The following XKR9 variants were observed in gnomAD, a reference collection of about 807,000 sequenced individuals.
XKR9 encodes the protein XK related 9.
Under a neutral mutation model 32.0 loss-of-function variants are expected in XKR9, and 32 were observed. The ratio of observed to expected loss-of-function variants is 1.00; its 90% CI spans 0.76 to 1.34. The LOEUF (loss-of-function observed/expected upper bound fraction) is 1.34, where lower values mean the gene tolerates loss of function less well. Among genes scored for constraint, XKR9 ranks in the 40% most tolerant of loss-of-function variants. XKR9 has a pLI of 0.00. For missense variants in XKR9, 546 were observed against 429.7 expected, an observed-to-expected ratio of 1.27 and a Z score of -2.39; for synonymous variants, 168 against 143.4, an observed-to-expected ratio of 1.17 and a Z score of -1.22.
chr8:70,743,003 G>T (rs1010315559), intron 2 of XKR9, among the ~76,000 whole-genome samples: 8 of 151,720 alleles, frequency 5.3e-5, no homozygotes, highest in Non-Finnish European at 8.8e-5. Context: ...TTATTCTCAT[G>T]GTTTTTCTTC....
At chr8:70,949,008 G>C in the XKR9 span, among the ~76,000 whole-genome samples, 1 of 152,142 alleles carries the variant, frequency 6.6e-6, no homozygotes, top group Non-Finnish European at 1.5e-5. Flanking sequence ...ATTAAGAAAA[G>C]TGATATGGAA....
chr8:70,876,708 C>A, the XKR9 span, among the ~76,000 whole-genome samples: 1 of 151,902 alleles, frequency 6.6e-6, no homozygotes, highest in African/African-American at 2.4e-5. Context: ...TTAGTAAAAA[C>A]CAAAAGAGTA....
chr8:70,788,323 TG>T (rs1353269318), intron 2 of XKR9, among the ~76,000 whole-genome samples: 3 of 152,152 alleles, frequency 2.0e-5, no homozygotes, highest in Non-Finnish European at 4.4e-5. Flanking sequence ...AATTGTCAGT[TG>T]TTGCAACTTT....
the XKR9 span, among the ~76,000 whole-genome samples, chr8:70,943,482 G>GT: frequency 3.6e-4 from 54 of 151,862 alleles, no homozygotes; most frequent in South Asian, 8.3e-4. Context: ...TTTTTTGAAG[G>GT]TTTTTTTTAA....
chr8:71,021,828 A>G, the XKR9 span, among the ~76,000 whole-genome samples: 1 of 152,094 alleles, frequency 6.6e-6, no homozygotes, highest in African/African-American at 2.4e-5. Context: ...GCTGTACAGA[A>G]GCTCTTCAGT....
At chr8:70,825,764 A>G in the XKR9 span, among the ~76,000 whole-genome samples, 1 of 152,058 alleles carries the variant, frequency 6.6e-6, no homozygotes, top group African/African-American at 2.4e-5. Context: ...TCTATTAGAC[A>G]CCTGGATACT....
the XKR9 span, among the ~76,000 whole-genome samples, chr8:70,982,000 A>G: frequency 2.0e-5 from 3 of 152,204 alleles, no homozygotes; most frequent in African/African-American, 7.2e-5. Flanking sequence ...ATCTATGTTC[A>G]TGTCTTGCAG....
chr8:70,824,033 G>T, the XKR9 span, among the ~76,000 whole-genome samples: 6 of 152,134 alleles, frequency 3.9e-5, no homozygotes, highest in African/African-American at 1.4e-4. Flanking sequence ...GCAATTTGTA[G>T]TCTTTTGAGA....
chr8:70,896,698 T>C, the XKR9 span, among the ~76,000 whole-genome samples: 1 of 151,932 alleles, frequency 6.6e-6, no homozygotes, highest in Non-Finnish European at 1.5e-5. Flanking sequence ...TTTCCTTCTT[T>C]CTGCTTGGTT....
the XKR9 span, among the ~76,000 whole-genome samples, chr8:70,808,386 T>C: frequency 3.9e-5 from 6 of 152,010 alleles, no homozygotes; most frequent in African/African-American, 1.4e-4. Context: ...AGAAGATGTA[T>C]GATTTCTGCA....
chr8:70,896,556 T>A, the XKR9 span, among the ~76,000 whole-genome samples: 2 of 152,060 alleles, frequency 1.3e-5, no homozygotes, highest in Admixed American at 1.3e-4. Flanking sequence ...TTCTGTTTTT[T>A]TTTTTCTTGG....
chr8:71,022,473 T>C, the XKR9 span, among the ~76,000 whole-genome samples: 1 of 152,226 alleles, frequency 6.6e-6, no homozygotes, highest in Admixed American at 6.5e-5. Context: ...ATAAGGTTTC[T>C]GCTGAGAAAT....
Position 70,735,096 on chromosome 8 carries a change from T to C in XKR9, c.*672T>C, listed in dbSNP as rs983245757. 1.3e-5 allele frequency: 2 copies of C among 152,250 alleles called. No individual in the cohort carries two copies. The highest frequency in any genetic ancestry group is 1.3e-4 in the Admixed American group (2 of 15,280). The allele number at this position is 152,250 out of a possible 1,614,324, so 9.4% of individuals were successfully genotyped here. A position where few individuals can be genotyped will look rare whatever the true frequency, so the allele number is the denominator to read the frequency against. ...AAATCATATTTTAAAATTATTTTTA[T>C]TTTTAAAAAATTATGGTAAAAACAT... On this transcript the variant is annotated 3_prime_UTR_variant, in exon 5 of 5. Coordinates refer to ENST00000408926, the MANE Select transcript of XKR9 (RefSeq NM_001011720.2).
At chr8:70,948,231 T>A in the XKR9 span, among the ~76,000 whole-genome samples, 4 of 152,186 alleles carry the variant, frequency 2.6e-5, no homozygotes, top group Admixed American at 6.5e-5. Flanking sequence ...TTCGTGCCAG[T>A]GAATTCTGAG....
At chr8:71,059,502 C>T in the XKR9 span, among the ~76,000 whole-genome samples, 1 of 152,192 alleles carries the variant, frequency 6.6e-6, no homozygotes, top group Non-Finnish European at 1.5e-5. Context: ...AGTTTGTGCA[C>T]TTAGGAACTG....
At chr8:70,754,853 G>A (rs1263167729) in intron 2 of XKR9, among the ~76,000 whole-genome samples, 14 of 152,014 alleles carry the variant, frequency 9.2e-5, no homozygotes, top group Admixed American at 4.6e-4. Context: ...ACAGGCATGG[G>A]CAAGGACTTC....
At chr8:70,767,242 G>T (rs985739118) in intron 2 of XKR9, among the ~76,000 whole-genome samples, 2 of 152,056 alleles carry the variant, frequency 1.3e-5, no homozygotes, top group South Asian at 4.2e-4. Flanking sequence ...GATTTTTTTG[G>T]TTGGTAGGCT....
In XKR9 at chr8:70,681,337, A is replaced by G. The variant is rs771411108; in HGVS notation, c.272+7A>G. 7.5e-6 allele frequency: 12 copies of G among 1,607,022 alleles called. No homozygotes were observed. The highest frequency in any genetic ancestry group is 1.0e-5 in the Non-Finnish European group (12 of 1,176,970). On this transcript the variant is annotated splice_region_variant and intron_variant, in intron 3 of 4. Transcript: ENST00000408926. ...AAGGAGGAGTTTTTACAAGGTGAGC[A>G]TACATGTTTAATCATTACCACTGTT...
chr8:70,908,772 C>A, the XKR9 span, among the ~76,000 whole-genome samples: 1 of 152,034 alleles, frequency 6.6e-6, no homozygotes, highest in East Asian at 1.9e-4. Flanking sequence ...TTATTTTTAA[C>A]CATTAAAGAT....
Sources: allele counts gnomAD v4.1 joint callset (sites outside exome capture counted in the v4.1 genomes callset), GRCh38; gene constraint gnomAD v4.1.1; transcripts MANE v1.5; gene names NCBI Gene and HGNC (gene_info 2026-07-23, HGNC 2026-07-21).